Variants in KDM2B observed in about 807,000 individuals in gnomAD.
KDM2B encodes the protein lysine demethylase 2B, also known as lysine-specific demethylase 2B.
A neutral mutation model predicts 150.0 loss-of-function variants in KDM2B; 26 were observed. The observed-to-expected ratio is 0.17, with a 90% CI of 0.13 to 0.24. KDM2B has a LOEUF of 0.24. KDM2B is among the 10% of genes least tolerant of loss of function. The pLI is 1.00. For missense variants in KDM2B, 1,265 were observed against 1,816.9 expected (o/e 0.70, Z 5.52); for synonymous variants, 734 against 729.5 (o/e 1.01, Z -0.10).
Position 121,442,363 on chromosome 12 carries a change from G to A in KDM2B, c.3078C>T (p.Pro1026=). ...ACTTGGGCGGGGACACGGAGGGTGG[G>A]GGCCGGGAGATGACACGGGGCGGGC... ...LRSPPRVISR[P]PPSVSPPKCI... is the part of the protein sequence containing the mutation. Residue 1026 remains proline, a synonymous_variant, in exon 19 of 23, where the codon CCC becomes CCT. Transcript: ENST00000377071. This position sits in a 1 kb window ranked among gnomAD's most constrained non-coding sequence, Gnocchi z 7.7. 1 of 1,584,574 alleles carries A rather than the reference G, an allele frequency of 6.3e-7. No individual in the cohort carries two copies. Among genetic ancestry groups the A allele is most frequent in the South Asian group, 1.1e-5 (1 of 88,266 alleles).
the KDM2B span, chr12:121,417,867 C>G: frequency 6.2e-7 from 1 of 1,614,048 alleles, no homozygotes; most frequent in Non-Finnish European, 8.5e-7. This position sits in a 1 kb window ranked among gnomAD's most constrained non-coding sequence, Gnocchi z 5.0. Flanking sequence ...TCAGGGAGAG[C>G]TTATGGATGG....
At chr12:121,501,544 C>A (rs1376944436) in intron 11 of KDM2B, among the ~76,000 whole-genome samples, 2 of 152,112 alleles carry the variant, frequency 1.3e-5, no homozygotes, top group African/African-American at 2.4e-5. Flanking sequence ...GAGCAGAGCC[C>A]CGCTGACTCT....
At position 121,442,523 on chromosome 12, in the gene KDM2B, A is replaced by T. The variant is rs2138094862; in HGVS notation, c.2918T>A (p.Ile973Asn). The T allele has an allele frequency of 6.3e-7, 1 of 1,599,306 alleles. No individual in the cohort carries two copies. Among genetic ancestry groups the T allele is most frequent in the South Asian group, 1.1e-5 (1 of 91,046 alleles). Reference sequence around the variant, plus strand: ...GCCCTCGCTCTCAGGCTCCGACTTGATGGGCTGCTGGTTCTCGTTGGCCAG... The same window carrying T: ...GCCCTCGCTCTCAGGCTCCGACTTGTTGGGCTGCTGGTTCTCGTTGGCCAG... ...NSLANENQQP[I>N]KSEPESEGEE... Residue 973 changes from isoleucine to asparagine, a missense_variant, in exon 19 of 23, where the codon ATC becomes AAC. Ile to Asn is a moderately radical substitution (Grantham distance 149, BLOSUM62 -3). Coordinates refer to ENST00000377071, the MANE Select transcript of KDM2B (RefSeq NM_032590.5). This position sits in a 1 kb window ranked among gnomAD's most constrained non-coding sequence, Gnocchi z 7.7.
At chr12:121,556,925 T>C (rs1473530844) in intron 4 of KDM2B, among the ~76,000 whole-genome samples, 1 of 150,720 alleles carries the variant, frequency 6.6e-6, no homozygotes, top group Non-Finnish European at 1.5e-5. Flanking sequence ...AGTAAATCAA[T>C]AAAAATGTAA....
chr12:121,417,507 G>A, the KDM2B span: 1 of 1,611,234 alleles, frequency 6.2e-7, no homozygotes, highest in Non-Finnish European at 8.5e-7. The surrounding 1 kb of genome is among the most constrained non-coding windows in gnomAD (Gnocchi z 5.0). Context: ...TCTTCAGCAT[G>A]TTTGCTGTGA....
chr12:121,504,350 C>T (rs868906912), intron 11 of KDM2B, among the ~76,000 whole-genome samples: 34 of 152,256 alleles, frequency 2.2e-4, no homozygotes, highest in South Asian at 1.7e-3. Context: ...GCATAAGCAA[C>T]ATAGCAAGAC....
chr12:121,524,787 C>T (rs1886994213), intron 8 of KDM2B: 2 of 411,812 alleles, frequency 4.9e-6, no homozygotes, highest in Admixed American at 2.8e-5. Flanking sequence ...CCAGAGTCAT[C>T]GACAATATGA....
chr12:121,465,493 C>G (rs1450545713), intron 12 of KDM2B, among the ~76,000 whole-genome samples: 1 of 152,148 alleles, frequency 6.6e-6, no homozygotes, highest in African/African-American at 2.4e-5. Flanking sequence ...GTTGGCCTCC[C>G]AAAGTGCTGG....
At chr12:121,409,581 A>C in the KDM2B span, 1 of 152,180 alleles carries the variant, frequency 6.6e-6, no homozygotes, top group Non-Finnish European at 1.5e-5. Context: ...GGGAGTTTTC[A>C]AAAAAATTCT....
At chr12:121,454,069 T>C (rs1877815596) in intron 12 of KDM2B, among the ~76,000 whole-genome samples, 1 of 148,366 alleles carries the variant, frequency 6.7e-6, no homozygotes, top group African/African-American at 2.5e-5. Flanking sequence ...TTCCGTCTGG[T>C]CAGTTTACAG....
intron 4 of KDM2B, among the ~76,000 whole-genome samples, chr12:121,567,703 TTTC>T (rs1172891230): frequency 6.7e-6 from 1 of 150,246 alleles, no homozygotes; most frequent in Non-Finnish European, 1.5e-5. Flanking sequence ...AGAAAATACA[TTTC>T]TTTTTTTTTT....
chr12:121,454,852 A>G (rs1877973578), intron 12 of KDM2B, among the ~76,000 whole-genome samples: 1 of 152,092 alleles, frequency 6.6e-6, no homozygotes, highest in Non-Finnish European at 1.5e-5. Context: ...GTTACTATTC[A>G]TACACTCCAA....
chr12:121,576,069 T>G (rs1286696416), intron 2 of KDM2B, among the ~76,000 whole-genome samples: 1 of 152,154 alleles, frequency 6.6e-6, no homozygotes, highest in Non-Finnish European at 1.5e-5. Context: ...GATCAGCTCC[T>G]CTGCCTACTC....
At chr12:121,515,982 C>A (rs1886150604) in intron 9 of KDM2B, among the ~76,000 whole-genome samples, 1 of 152,098 alleles carries the variant, frequency 6.6e-6, no homozygotes, top group South Asian at 2.1e-4. Context: ...TAGATCGGTG[C>A]CCTCTGGAGT....
In KDM2B at chr12:121,530,227, C is replaced by CAA. The variant is rs71453566; in HGVS notation, c.931+2577_931+2578dup. ...TGGGCAACAGAGCAAGACTCCCTCT[C>CAA]AAAAAAAAAAAAAAAAAAAAAATAC... On this transcript the variant is annotated intron_variant, in intron 8 of 22. Transcript: ENST00000377071. 3.7e-3 allele frequency among the ~76,000 whole-genome samples: 238 copies of CAA among 65,176 alleles called. 1 individual carries two copies. The highest frequency in any genetic ancestry group is 8.2e-3 in the Middle Eastern group (1 of 122). 42.8% of individuals were successfully genotyped at this position (65,176 alleles called of 152,430 possible). A position where few individuals can be genotyped will look rare whatever the true frequency, so the allele number is the denominator to read the frequency against.
chr12:121,493,620 G>C (rs1386912965), intron 12 of KDM2B, among the ~76,000 whole-genome samples: 1 of 152,090 alleles, frequency 6.6e-6, no homozygotes, highest in Non-Finnish European at 1.5e-5. Context: ...CAAACTGACC[G>C]ATCTTTGTGT....
rs1886450916 is a variant in KDM2B at position 121,518,857 on chromosome 12, C to G, written c.1047+2128G>C. On this transcript the variant is annotated intron_variant, in intron 9 of 22. Coordinates refer to ENST00000377071, the MANE Select transcript of KDM2B (RefSeq NM_032590.5). This position sits in a 1 kb window ranked among gnomAD's most constrained non-coding sequence, Gnocchi z 4.4. ...AAACTGGCCTGTACTCCAGGACAGG[C>G]CAAAGAACAGTTGGCCGGAGCCCCA... is the stretch of plus-strand genomic sequence containing the variant. 6.6e-6 allele frequency among the ~76,000 whole-genome samples: 1 copy of G among 152,204 alleles called. No individual in the cohort carries two copies. Among genetic ancestry groups the G allele is most frequent in the African/African-American group, 2.4e-5 (1 of 41,464 alleles).
intron 13 of KDM2B, among the ~76,000 whole-genome samples, chr12:121,449,338 G>A (rs1032600368): frequency 2.6e-5 from 4 of 152,178 alleles, no homozygotes; most frequent in Non-Finnish European, 4.4e-5. Context: ...GTGGGGCTGC[G>A]TATGTCACAG....
At chr12:121,517,906 G>T (rs977162556) in intron 9 of KDM2B, among the ~76,000 whole-genome samples, 8 of 150,722 alleles carry the variant, frequency 5.3e-5, no homozygotes, top group East Asian at 2.0e-4. Context: ...TTTTTTTGAG[G>T]GGGGGGATGG....
Sources: allele counts gnomAD v4.1 joint callset (sites outside exome capture counted in the v4.1 genomes callset), GRCh38; gene constraint gnomAD v4.1.1; non-coding constraint Gnocchi (gnomAD v3.1); transcripts MANE v1.5; gene names NCBI Gene and HGNC (gene_info 2026-07-23, HGNC 2026-07-21).